Variants in FMN2 observed in about 807,000 individuals in gnomAD.
The protein encoded by FMN2 is formin 2.
In FMN2, 51 loss-of-function variants were observed where a neutral mutation model predicts 142.3. The ratio of observed to expected loss-of-function variants is 0.36; its 90% CI spans 0.29 to 0.45. The LOEUF is 0.45. Among genes scored for constraint, FMN2 ranks in the 20% least tolerant of loss-of-function variants. FMN2 has a pLI of 1.00. For synonymous variants in FMN2, 882 were observed against 869.8 expected (o/e 1.01, Z -0.25); for missense variants, 1,936 against 2,122.8 (o/e 0.91, Z 1.73).
chr1:240,365,021 G>T (rs1186536106), intron 14 of FMN2, among the ~76,000 whole-genome samples: 1 of 152,122 alleles, frequency 6.6e-6, no homozygotes, highest in Non-Finnish European at 1.5e-5. Flanking sequence ...ATAAAATACA[G>T]GACCATAATG....
At chr1:240,171,468 C>T (rs1308098704) in intron 2 of FMN2, among the ~76,000 whole-genome samples, 2 of 152,096 alleles carry the variant, frequency 1.3e-5, no homozygotes, top group African/African-American at 4.8e-5. Flanking sequence ...CTGGACTCTC[C>T]TCCACATAAA....
chr1:240,130,726 T>C (rs1356342633), intron 2 of FMN2, among the ~76,000 whole-genome samples: 1 of 152,266 alleles, frequency 6.6e-6, no homozygotes, highest in East Asian at 1.9e-4. Context: ...AGTTTTCGAC[T>C]GCCTCTTATT....
At chr1:240,319,693 G>C (rs954752339) in intron 8 of FMN2, among the ~76,000 whole-genome samples, 2 of 152,086 alleles carry the variant, frequency 1.3e-5, no homozygotes, top group Non-Finnish European at 2.9e-5. Context: ...TTTGTTAGTT[G>C]AATGTTCAGA....
At chr1:240,224,670 G>C (rs563713263) in intron 6 of FMN2, among the ~76,000 whole-genome samples, 28 of 152,074 alleles carry the variant, frequency 1.8e-4, no homozygotes, top group Non-Finnish European at 2.8e-4. Flanking sequence ...GAAACACCAG[G>C]GGTTCAGTCT....
In FMN2 at chr1:240,438,129, CTT is replaced by C; in HGVS notation, c.4981_4982del (p.Phe1661LeufsTer6). The C allele has an allele frequency of 6.2e-7, 1 of 1,614,136 alleles. No homozygotes were observed. The highest frequency in any genetic ancestry group is 8.5e-7 in the Non-Finnish European group (1 of 1,180,012). ...GGAGAGAAGGAGGTGTCCCCAAATG[CTT>C]TCTTCAGTATCTGGCATGAATTCAG... On this transcript the variant is annotated frameshift_variant, in exon 16 of 18. Coordinates refer to ENST00000319653, the MANE Select transcript of FMN2 (RefSeq NM_020066.5). LOFTEE classifies it high-confidence loss of function.
At chr1:240,188,824 G>T (rs756124355) in intron 4 of FMN2, among the ~76,000 whole-genome samples, 1 of 152,174 alleles carries the variant, frequency 6.6e-6, no homozygotes, top group Non-Finnish European at 1.5e-5. Flanking sequence ...CTTCCACATG[G>T]CTGGGGAGGC....
At chr1:240,129,403 AT>A (rs1191348680) in intron 2 of FMN2, among the ~76,000 whole-genome samples, 1 of 151,432 alleles carries the variant, frequency 6.6e-6, no homozygotes, top group East Asian at 1.9e-4. Context: ...ATGATACTTA[AT>A]TTTTTCAGAC....
intron 7 of FMN2, among the ~76,000 whole-genome samples, chr1:240,284,818 C>A (rs1669531106): frequency 6.6e-6 from 1 of 152,062 alleles, no homozygotes; most frequent in African/African-American, 2.4e-5. Flanking sequence ...TCACCAGGGA[C>A]ACAGCTTCTG....
intron 2 of FMN2, among the ~76,000 whole-genome samples, chr1:240,146,936 A>G (rs769960140): frequency 1.4e-5 from 2 of 145,262 alleles, no homozygotes; most frequent in Non-Finnish European, 3.1e-5. Flanking sequence ...GCTGTAAAGA[A>G]CTAATGGTGG....
chr1:240,153,341 C>T (rs1001842111), intron 2 of FMN2, among the ~76,000 whole-genome samples: 20 of 150,362 alleles, frequency 1.3e-4, no homozygotes, highest in Non-Finnish European at 7.4e-5. Flanking sequence ...CATTTAATCT[C>T]ACTCGGTTCT....
intron 13 of FMN2, among the ~76,000 whole-genome samples, chr1:240,347,347 T>C (rs1671941015): frequency 6.6e-6 from 1 of 152,118 alleles, no homozygotes; most frequent in Non-Finnish European, 1.5e-5. Flanking sequence ...CCTAGTGAGT[T>C]CAAAACCAAA....
At chr1:240,333,447 T>C (rs1360767204) in intron 11 of FMN2, among the ~76,000 whole-genome samples, 1 of 152,194 alleles carries the variant, frequency 6.6e-6, no homozygotes, top group Admixed American at 6.5e-5. Context: ...CTAATCTATA[T>C]GCTAATGAGC....
chr1:240,331,879 A>G (rs1671387841), intron 11 of FMN2, among the ~76,000 whole-genome samples: 1 of 152,164 alleles, frequency 6.6e-6, no homozygotes, highest in Non-Finnish European at 1.5e-5. Flanking sequence ...TGAATATCTC[A>G]TGTAATTTAT....
chr1:240,438,020 A>T, intron 15 of FMN2, 41 bp from the exon 16 acceptor site: 2 of 1,590,498 alleles, frequency 1.3e-6, no homozygotes, highest in Non-Finnish European at 1.7e-6. Flanking sequence ...ATTGGAAAGT[A>T]ATCATGGCTT....
intron 14 of FMN2, among the ~76,000 whole-genome samples, chr1:240,367,902 T>TATCTATG (rs918053092): frequency 1.3e-5 from 2 of 152,174 alleles, no homozygotes; most frequent in African/African-American, 4.8e-5. Context: ...AATTCATTTT[T>TATCTATG]ATCTATGATC....
chr1:240,361,132 AATATATGTGTATATATATATATATATAT>A (rs1372076359), intron 14 of FMN2, among the ~76,000 whole-genome samples: 5,351 of 35,664 alleles, frequency 0.15, 396 homozygotes, highest in African/African-American at 0.27. Context: ...ATAATAAATA[AATATATGTGTATATATATATATATATAT>A]ATATATATAT....
At chr1:240,185,823 C>T (rs1044297928) in intron 3 of FMN2, among the ~76,000 whole-genome samples, 1 of 152,078 alleles carries the variant, frequency 6.6e-6, no homozygotes, top group Admixed American at 6.5e-5. Context: ...TGTCTTGAGT[C>T]TATTGTGTTT....
intron 6 of FMN2, among the ~76,000 whole-genome samples, chr1:240,212,941 GT>G: frequency 6.6e-6 from 1 of 152,016 alleles, no homozygotes; most frequent in Middle Eastern, 3.4e-3. Context: ...GTTTTTTTGT[GT>G]TTTTTTGTTT....
At chr1:240,143,903 G>A (rs1291107266) in intron 2 of FMN2, 2 of 1,574,290 alleles carry the variant, frequency 1.3e-6, no homozygotes, top group Non-Finnish European at 1.7e-6. Context: ...TTCATGATTT[G>A]AGCCAGCGTA....
Sources: gnomAD v4.1 joint callset for allele counts (sites outside exome capture counted in the v4.1 genomes callset) on GRCh38, gnomAD v4.1.1 for gene constraint, MANE v1.5 for transcripts, NCBI Gene and HGNC (gene_info 2026-07-23, HGNC 2026-07-21) for gene names.